Variants in EXD1 observed in about 807,000 individuals in gnomAD.
EXD1 encodes piRNA biogenesis protein EXD1.
Under a neutral mutation model 49.1 loss-of-function variants are expected in EXD1, and 63 were observed. The observed-to-expected ratio is 1.28, with a 90% CI of 1.05 to 1.58. The LOEUF (loss-of-function observed/expected upper bound fraction) is 1.58. EXD1 is among the 40% of genes most tolerant of loss of function. The pLI is 0.00. For missense variants in EXD1, 748 were observed against 666.0 expected (o/e 1.12, Z -1.36); for synonymous variants, 234 against 239.2 (o/e 0.98, Z 0.20).
rs138982294 is a variant in EXD1, at chr15:41,201,259, C to G, written c.535-5222G>C. Among the ~76,000 whole-genome samples the G allele has an allele frequency of 7.7e-3, 1,166 of 152,136 alleles. 12 individuals are homozygous for G. The highest frequency in any genetic ancestry group is 0.013 in the Non-Finnish European group (858 of 67,998). Reference sequence around the variant, plus strand: ...ATAAGTCTAATACTCCAGGGAACACCATTTTAAGGTGAATGAACAGTATCT... The same window carrying G: ...ATAAGTCTAATACTCCAGGGAACACGATTTTAAGGTGAATGAACAGTATCT... On this transcript the variant is annotated intron_variant, in intron 7 of 11. Coordinates refer to ENST00000458580, the MANE Select transcript of EXD1 (RefSeq NM_001286441.2).
chr15:41,212,119 T>C (rs1460385792), intron 6 of EXD1, among the ~76,000 whole-genome samples: 1 of 152,002 alleles, frequency 6.6e-6, no homozygotes, highest in Non-Finnish European at 1.5e-5. Context: ...AGGATGGCTA[T>C]ACTCAAAATT....
At chr15:41,194,953 C>T (rs1566977588) in intron 9 of EXD1, among the ~76,000 whole-genome samples, 1 of 152,052 alleles carries the variant, frequency 6.6e-6, no homozygotes, top group Non-Finnish European at 1.5e-5. Context: ...AATAATTGGC[C>T]AACTTATTAG....
chr15:41,210,562 G>T (rs964437300), intron 6 of EXD1, among the ~76,000 whole-genome samples: 5 of 151,994 alleles, frequency 3.3e-5, no homozygotes, highest in African/African-American at 1.2e-4. Context: ...GTGCACACCT[G>T]CAGTGTAGCC....
At chr15:41,229,471 G>C (rs1393914896) in intron 1 of EXD1, among the ~76,000 whole-genome samples, 1 of 150,196 alleles carries the variant, frequency 6.7e-6, no homozygotes, top group African/African-American at 2.5e-5. Flanking sequence ...GGACTCTGTC[G>C]CAAAAAAACA....
At chr15:41,191,412 A>G (rs773574004) in intron 10 of EXD1, 30 bp downstream of exon 10, 2 of 1,541,636 alleles carry the variant, frequency 1.3e-6, no homozygotes, top group Non-Finnish European at 1.8e-6. Flanking sequence ...GAAAAAAAAT[A>G]ATGTCATACA....
At chr15:41,208,701 G>A (rs1172832994) in intron 7 of EXD1, among the ~76,000 whole-genome samples, 1 of 151,966 alleles carries the variant, frequency 6.6e-6, no homozygotes, top group African/African-American at 2.4e-5. Flanking sequence ...GCAGCGAGCC[G>A]AGATGCACCA....
Position 41,186,491 on chromosome 15 carries a change from C to CAAA in EXD1, c.1057-1899_1057-1898insTTT, listed in dbSNP as rs2046410732. Among the ~76,000 whole-genome samples the CAAA allele has an allele frequency of 9.9e-5, 8 of 80,496 alleles. No individual in the cohort carries two copies. In the East Asian group the frequency reaches 1.9e-3, roughly 19 times the overall value. The allele number at this position is 80,496 out of a possible 152,430, so 52.8% of individuals were successfully genotyped here. The stretch of plus-strand genomic sequence containing the variant: ...GTCTCAAAAAAAAAAAAAAAAAAAT[C>CAAA]AGAAAAAAAAAGAATGGTTGCATTT... On this transcript the variant is annotated intron_variant, in intron 11 of 11. Transcript: ENST00000458580.
chr15:41,217,652 TCCCAAGTCC>T (rs1341199339), intron 3 of EXD1, among the ~76,000 whole-genome samples: 1 of 149,190 alleles, frequency 6.7e-6, no homozygotes, highest in African/African-American at 2.5e-5. Flanking sequence ...TGCCTCAGCC[TCCCAAGTCC>T]CATGCCTGGG....
At chr15:41,195,738 A>C in intron 9 of EXD1, 37 bp downstream of exon 9, 1 of 1,568,048 alleles carries the variant, frequency 6.4e-7, no homozygotes, top group Non-Finnish European at 8.7e-7. Flanking sequence ...CAGGAGCTGT[A>C]TATACTGGTT....
chr15:41,215,369 A>T lies in EXD1; in HGVS notation c.447+406T>A, dbSNP rs1383246781. On this transcript the variant is annotated intron_variant, in intron 6 of 11. Transcript: ENST00000458580. ...CCAAATATGTTGTTGAATTAATAGG[A>T]AAAAAAATCAAAAATCTTATAATAA... Among the ~76,000 whole-genome samples, 5 of 152,168 alleles carry T rather than the reference A, an allele frequency of 3.3e-5. No homozygotes were observed. The South Asian group carries it at 1.0e-3, about 32-fold the overall frequency.
At position 41,193,449 on chromosome 15, in the gene EXD1, A is replaced by G. The variant is rs534738431; in HGVS notation, c.721-1864T>C. 6.9e-4 allele frequency among the ~76,000 whole-genome samples: 104 copies of G among 151,674 alleles called. 2 individuals are homozygous for G. The highest frequency in any genetic ancestry group is 2.2e-3 in the African/African-American group (90 of 41,312). ...TAGTGAGACTCCGTTTCTGGGGGGG[A>G]AAAAAATGGGCCTGGCATGTTGGCT... On this transcript the variant is annotated intron_variant, in intron 9 of 11. Transcript: ENST00000458580.
Position 41,226,568 on chromosome 15 carries a change from G to C in EXD1, c.8C>G (p.Pro3Arg). 6.5e-7 allele frequency: 1 copy of C among 1,535,628 alleles called. No individual in the cohort carries two copies. The highest frequency in any genetic ancestry group is 1.2e-5 in the South Asian group (1 of 83,914). The change falls in exon 2 of 12, where the codon CCC becomes CGC. Residue 3 changes from proline to arginine, a missense_variant. Transcript: ENST00000458580. MD[P>R]SSDYHFLSQI... ...GCTGAGGAAATGGTAGTCACTGCTG[G>C]GGTCCATGCTAATTGATTCCAAAAG...
chr15:41,188,472 A>G (rs1285528591), intron 11 of EXD1, among the ~76,000 whole-genome samples: 2 of 151,726 alleles, frequency 1.3e-5, no homozygotes, highest in Non-Finnish European at 2.9e-5. Context: ...GGCTCACTGC[A>G]ACCCCTACCT....
chr15:41,204,177 G>T (rs1447295157), intron 7 of EXD1, among the ~76,000 whole-genome samples: 1 of 150,408 alleles, frequency 6.6e-6, no homozygotes, highest in African/African-American at 2.5e-5. Context: ...GAACCTGGGA[G>T]GCGGAGGTTG....
rs577560840 is a variant in EXD1, at chr15:41,214,428, G to A, written c.447+1347C>T. Among the ~76,000 whole-genome samples, 71 of 151,106 alleles carry A rather than the reference G, an allele frequency of 4.7e-4. 1 individual carries two copies. In the South Asian group the frequency reaches 0.013, roughly 27 times the overall value. On this transcript the variant is annotated intron_variant, in intron 6 of 11. Transcript: ENST00000458580. ...CTCAGGAGGCTGAGCCAGGAGAATC[G>A]CTTGAACCCAGGAGGCGGAGGTTGA...
intron 1 of EXD1, among the ~76,000 whole-genome samples, chr15:41,227,675 CAA>C (rs56794638): frequency 0.4 from 36,305 of 91,668 alleles, 6,179 homozygotes; most frequent in African/African-American, 0.59. Flanking sequence ...AACACTGTCT[CAA>C]AAAAAAAAAA....
intron 6 of EXD1, 56 bp from the exon 7 acceptor site, chr15:41,209,643 A>G: frequency 6.9e-7 from 1 of 1,451,028 alleles, no homozygotes; most frequent in Non-Finnish European, 9.6e-7. Flanking sequence ...TTGGCATGAT[A>G]ACATCATGAT....
intron 7 of EXD1, among the ~76,000 whole-genome samples, chr15:41,203,943 A>AAAAAG (rs2046776856): frequency 7.0e-6 from 1 of 143,442 alleles, no homozygotes; most frequent in Non-Finnish European, 1.5e-5. Flanking sequence ...AAAAAAAAAA[A>AAAAAG]ACCCTAAAAA....
chr15:41,203,946 C>T (rs964614527), intron 7 of EXD1, among the ~76,000 whole-genome samples: 2 of 87,932 alleles, frequency 2.3e-5, no homozygotes, highest in African/African-American at 6.0e-5. Flanking sequence ...AAAAAAAAAC[C>T]CTAAAAATAT....
Sources: allele counts gnomAD v4.1 joint callset (sites outside exome capture counted in the v4.1 genomes callset), GRCh38; gene constraint gnomAD v4.1.1; transcripts MANE v1.5; gene names NCBI Gene and HGNC (gene_info 2026-07-23, HGNC 2026-07-21).